Variants in MEP1A observed in about 807,000 individuals in gnomAD.
MEP1A encodes meprin A subunit alpha, also known as N-benzoyl-L-tyrosyl-P-amino-benzoic acid hydrolase subunit alpha.
A neutral mutation model predicts 84.5 loss-of-function variants in MEP1A; 68 were observed. The ratio of observed to expected loss-of-function variants is 0.80; its 90% CI spans 0.66 to 0.98. The LOEUF (loss-of-function observed/expected upper bound fraction) is 0.98, where lower values mean the gene tolerates loss of function less well. Ranked by LOEUF, MEP1A falls within the 50% of genes least tolerant of loss-of-function variation. MEP1A has a pLI of 0.00. For missense variants in MEP1A, 887 were observed against 919.9 expected, an observed-to-expected ratio of 0.96 and a Z score of 0.46; for synonymous variants, 337 against 336.8, an observed-to-expected ratio of 1.00 and a Z score of -0.01.
At chr6:46,831,691 G>T (rs1238445802) in intron 10 of MEP1A, among the ~76,000 whole-genome samples, 3 of 152,304 alleles carry the variant, frequency 2.0e-5, no homozygotes, top group Admixed American at 2.0e-4. Context: ...TAATCAGCAA[G>T]AACAGAATCC....
chr6:46,810,589 T>C (rs1460390049), intron 6 of MEP1A, among the ~76,000 whole-genome samples: 2 of 152,186 alleles, frequency 1.3e-5, no homozygotes, highest in Non-Finnish European at 2.9e-5. Flanking sequence ...CTAGAATCTT[T>C]ATGGGTTCAG....
At chr6:46,806,930 A>G (rs1198197478) in intron 5 of MEP1A, among the ~76,000 whole-genome samples, 1 of 152,018 alleles carries the variant, frequency 6.6e-6, no homozygotes, top group Non-Finnish European at 1.5e-5. Flanking sequence ...TCTTTTAAGA[A>G]AAAGTCCTCC....
Position 46,825,319 on chromosome 6 carries a change from C to G in MEP1A, c.604C>G (p.Leu202Val). The change falls in exon 8 of 14, where the codon CTC (leucine) becomes GTC (valine). Residue 202 changes from leucine to valine, a missense_variant. Transcript: ENST00000230588. ...CTATGATGATAGCTTAATCACAGAC[C>G]TCAATACACCCTATGATTATGAGTC... is the stretch of plus-strand genomic sequence containing the variant. ...DTYDDSLITD[L>V]NTPYDYESLM... 1 of 1,613,556 alleles carries G rather than the reference C, an allele frequency of 6.2e-7. No individual in the cohort carries two copies. Among genetic ancestry groups the G allele is most frequent in the Non-Finnish European group, 8.5e-7 (1 of 1,179,774 alleles).
chr6:46,812,077 T>G (rs1767515190), intron 6 of MEP1A, among the ~76,000 whole-genome samples: 1 of 152,122 alleles, frequency 6.6e-6, no homozygotes, highest in Non-Finnish European at 1.5e-5. Context: ...TCTTGTATAA[T>G]TCATCTCTGA....
chr6:46,813,948 A>C (rs994212325), intron 6 of MEP1A, among the ~76,000 whole-genome samples: 2 of 152,080 alleles, frequency 1.3e-5, no homozygotes, highest in African/African-American at 2.4e-5. Flanking sequence ...TTCCTTTATG[A>C]GTTACCTGAT....
chr6:46,807,115 A>C (rs1251879115), intron 5 of MEP1A, among the ~76,000 whole-genome samples: 1 of 151,938 alleles, frequency 6.6e-6, no homozygotes, highest in East Asian at 1.9e-4. Context: ...TAGCCTTCTT[A>C]TGCTTATCTT....
chr6:46,842,446 C>A, downstream of MEP1A, among the ~76,000 whole-genome samples: 1 of 152,108 alleles, frequency 6.6e-6, no homozygotes, highest in Non-Finnish European at 1.5e-5. Flanking sequence ...TAAACGGCTG[C>A]TCTGGGAGTG....
Position 46,833,480 on chromosome 6 carries a change from C to A in MEP1A, c.1551C>A (p.Val517=). 1 of 1,614,104 alleles carries A rather than the reference C, an allele frequency of 6.2e-7. No homozygotes were observed. The highest frequency in any genetic ancestry group is 8.5e-7 in the Non-Finnish European group (1 of 1,180,030). Residue 517 remains valine (V), a synonymous_variant, in exon 11 of 14, where the codon GTC becomes GTA. Coordinates refer to ENST00000230588, the MANE Select transcript of MEP1A (RefSeq NM_005588.3). ...IITILDQEPD[V]RNRMSSSMVF... is the part of the protein sequence containing the mutation. Reference sequence around the variant, plus strand: ...CCATCCTTGACCAGGAGCCTGATGTCCGGAACAGGATGTCCTCAAGCATGG... The same window carrying A: ...CCATCCTTGACCAGGAGCCTGATGTACGGAACAGGATGTCCTCAAGCATGG...
At chr6:46,825,047 T>C (rs9381484) in intron 7 of MEP1A, among the ~76,000 whole-genome samples, 1 of 24,728 alleles carries the variant, frequency 4.0e-5, no homozygotes, top group Non-Finnish European at 7.7e-5. Context: ...ATTTAAATAT[T>C]TATAAATTAT....
intron 5 of MEP1A, among the ~76,000 whole-genome samples, chr6:46,799,602 G>A (rs542240186): frequency 6.6e-6 from 1 of 152,140 alleles, no homozygotes; most frequent in African/African-American, 2.4e-5. Context: ...AAATAGGAAA[G>A]TCCATATTTC....
chr6:46,794,414 G>A (rs185211563), intron 3 of MEP1A, among the ~76,000 whole-genome samples: 13 of 152,300 alleles, frequency 8.5e-5, no homozygotes, highest in Non-Finnish European at 1.0e-4. Context: ...CAGTCTTGTC[G>A]TGGAGTAAGT....
At chr6:46,793,785 C>A in intron 3 of MEP1A, 69 bp downstream of exon 3, 1 of 1,128,718 alleles carries the variant, frequency 8.9e-7, no homozygotes, top group Non-Finnish European at 1.3e-6. Flanking sequence ...TTACTGAACA[C>A]TTTCCTTCCT....
chr6:46,797,871 TTTCCTTCCTTCCTTCC>T (rs1162981215), intron 3 of MEP1A, among the ~76,000 whole-genome samples: 29 of 107,004 alleles, frequency 2.7e-4, no homozygotes, highest in East Asian at 5.3e-4. Context: ...ACTTTCTACC[TTTCCTTCCTTCCTTCC>T]TTCCTTCCTT....
Position 46,822,418 on chromosome 6 carries a change from G to T in MEP1A, c.556+2714G>T, listed in dbSNP as rs142158183. 1.7e-4 allele frequency among the ~76,000 whole-genome samples: 26 copies of T among 152,230 alleles called. No individual in the cohort carries two copies. The East Asian group carries it at 4.1e-3, about 24-fold the overall frequency. ...TACCAACCTAGCACAGCTCTTAGTA[G>T]ACACTAGGCCCAACAAAAACATGTT... On this transcript the variant is annotated intron_variant, in intron 7 of 13. Coordinates refer to ENST00000230588, the MANE Select transcript of MEP1A (RefSeq NM_005588.3).
intron 5 of MEP1A, among the ~76,000 whole-genome samples, chr6:46,800,673 A>G (rs1329290948): frequency 3.3e-5 from 5 of 152,214 alleles, no homozygotes; most frequent in Non-Finnish European, 5.9e-5. Context: ...ATATTTGTAT[A>G]GAATTGTTTT....
chr6:46,822,535 A>T (rs890048261), intron 7 of MEP1A, among the ~76,000 whole-genome samples: 3 of 152,054 alleles, frequency 2.0e-5, no homozygotes, highest in Non-Finnish European at 2.9e-5. Context: ...ATCTATTCTA[A>T]CCTGATGGGA....
In MEP1A at chr6:46,839,490, TG is replaced by T. The variant is rs1768292953; in HGVS notation, c.*356del. ...CCTAGATGCATGGCTGGCACATTGT[TG>T]GCACTCAACAATGGTTGAATGAATA... On this transcript the variant is annotated 3_prime_UTR_variant, in exon 14 of 14. Transcript: ENST00000230588. 1 of 170,030 alleles carries T rather than the reference TG, an allele frequency of 5.9e-6. No homozygotes were observed. The highest frequency in any genetic ancestry group is 6.4e-5 in the Admixed American group (1 of 15,746). 10.5% of individuals were successfully genotyped at this position (170,030 alleles called of 1,614,324 possible). A position where few individuals can be genotyped will look rare whatever the true frequency, so the allele number is the denominator to read the frequency against.
chr6:46,825,033 A>G (rs1409840168), intron 7 of MEP1A, among the ~76,000 whole-genome samples: 1 of 86,018 alleles, frequency 1.2e-5, no homozygotes, highest in Non-Finnish European at 2.9e-5. Context: ...ATTTAAATAG[A>G]TCTATTTAAA....
intron 6 of MEP1A, among the ~76,000 whole-genome samples, chr6:46,818,665 G>A (rs192599298): frequency 6.6e-6 from 1 of 152,290 alleles, no homozygotes; most frequent in Admixed American, 6.5e-5. Context: ...GGTCCTCCTT[G>A]CCTGATACCC....
Sources: gnomAD v4.1 joint callset for allele counts (sites outside exome capture counted in the v4.1 genomes callset) on GRCh38, gnomAD v4.1.1 for gene constraint, MANE v1.5 for transcripts, NCBI Gene and HGNC (gene_info 2026-07-23, HGNC 2026-07-21) for gene names.